Variants in SCRN1 observed in about 807,000 individuals in gnomAD.
SCRN1 encodes the protein secernin-1.
In SCRN1, 19 loss-of-function variants were observed where a neutral mutation model predicts 43.3. The ratio of observed to expected loss-of-function variants is 0.44; its 90% confidence interval spans 0.31 to 0.64. The LOEUF (loss-of-function observed/expected upper bound fraction) is 0.64. SCRN1 is among the 30% of genes least tolerant of loss of function. SCRN1 has a pLI of 0.09. For synonymous variants in SCRN1, 183 were observed against 188.9 expected (o/e 0.97, Z 0.26); for missense variants, 447 against 524.1 (o/e 0.85, Z 1.44).
At chr7:29,945,242 C>G (rs1787697005) in intron 3 of SCRN1, among the ~76,000 whole-genome samples, 1 of 152,206 alleles carries the variant, frequency 6.6e-6, no homozygotes. Context: ...TATGGTTTGG[C>G]TGTGTCCCCA....
intron 1 of SCRN1, among the ~76,000 whole-genome samples, chr7:29,971,888 A>T (rs1267206949): frequency 2.0e-5 from 3 of 152,136 alleles, no homozygotes; most frequent in Admixed American, 6.5e-5. Flanking sequence ...TGTTTATGGC[A>T]GGCCCCTCCC....
At chr7:29,947,393 T>C in intron 3 of SCRN1, 1 of 1,508,856 alleles carries the variant, frequency 6.6e-7, no homozygotes, top group African/African-American at 1.4e-5. Flanking sequence ...CTGCTTATCT[T>C]TTCAACATCT....
At chr7:29,986,438 T>TG (rs139055417) in intron 1 of SCRN1, among the ~76,000 whole-genome samples, 1,820 of 152,292 alleles carry the variant, frequency 0.012, 23 homozygotes, top group Middle Eastern at 0.02. Flanking sequence ...TTTTTGAAAT[T>TG]GTGTGTATAT....
At chr7:29,954,721 C>T (rs1041636703) in intron 3 of SCRN1, among the ~76,000 whole-genome samples, 2 of 152,182 alleles carry the variant, frequency 1.3e-5, no homozygotes, top group African/African-American at 4.8e-5. Flanking sequence ...GTTGTTGTCG[C>T]CTCAGCTGGA....
chr7:29,970,526 T>C (rs751489059), intron 1 of SCRN1, among the ~76,000 whole-genome samples: 20 of 152,246 alleles, frequency 1.3e-4, no homozygotes, highest in Non-Finnish European at 2.8e-4. Flanking sequence ...TCTGAAATAC[T>C]TGTTTGATTA....
chr7:29,959,826 T>A (rs1788248213), intron 2 of SCRN1, among the ~76,000 whole-genome samples: 1 of 151,976 alleles, frequency 6.6e-6, no homozygotes, highest in East Asian at 1.9e-4. Context: ...AAGGAAGCCC[T>A]CTGCTAAGCC....
At chr7:29,986,880 A>G (rs1789177175) in intron 1 of SCRN1, among the ~76,000 whole-genome samples, 1 of 151,896 alleles carries the variant, frequency 6.6e-6, no homozygotes, top group Non-Finnish European at 1.5e-5. Context: ...GCGTGCCACC[A>G]TGCCCGGCTA....
At chr7:29,966,127 GAGAGAGAGAC>G (rs1007995013) in intron 2 of SCRN1, among the ~76,000 whole-genome samples, 1 of 150,414 alleles carries the variant, frequency 6.6e-6, no homozygotes, top group Admixed American at 6.7e-5. Context: ...CACACAGAGA[GAGAGAGAGAC>G]AGAGAGAGAG....
chr7:29,935,781 C>T (rs550996829), intron 6 of SCRN1, among the ~76,000 whole-genome samples: 2 of 152,282 alleles, frequency 1.3e-5, no homozygotes, highest in Non-Finnish European at 2.9e-5. Flanking sequence ...GATCAGAGAT[C>T]GTCTTCATAA....
intron 2 of SCRN1, among the ~76,000 whole-genome samples, chr7:29,966,938 T>C (rs1206063294): frequency 2.0e-5 from 3 of 152,114 alleles, no homozygotes; most frequent in Non-Finnish European, 4.4e-5. Context: ...GATTTAAGAT[T>C]TAGATATGAA....
At chr7:29,932,293 G>T (rs1787181151) in intron 6 of SCRN1, among the ~76,000 whole-genome samples, 3 of 152,156 alleles carry the variant, frequency 2.0e-5, no homozygotes. Context: ...GCTGACCAAG[G>T]CTCATGATGT....
At chr7:29,936,214 T>C (rs1787320079) in intron 6 of SCRN1, among the ~76,000 whole-genome samples, 1 of 152,240 alleles carries the variant, frequency 6.6e-6, no homozygotes, top group Non-Finnish European at 1.5e-5. Flanking sequence ...TCTGTATCCC[T>C]CATGTACCAC....
chr7:29,926,765 G>T, intron 6 of SCRN1, 133 bp from the exon 7 acceptor site: 1 of 676,064 alleles, frequency 1.5e-6, no homozygotes, highest in Non-Finnish European at 2.5e-6. Context: ...ACGGGTGGGT[G>T]GGTGAGTGCC....
At chr7:29,939,620 T>C (rs1301407994) in intron 5 of SCRN1, among the ~76,000 whole-genome samples, 1 of 152,170 alleles carries the variant, frequency 6.6e-6, no homozygotes, top group Non-Finnish European at 1.5e-5. Flanking sequence ...AATATATAAA[T>C]AAATGGGTGT....
In SCRN1 at chr7:29,969,023, T is replaced by G; in HGVS notation, c.45A>C (p.Pro15=). ...ATACCACCAGACCATCCTTAGCACG[T>G]GGAGGGAAGGCAACAAAACAGTAAC... ...PPSYCFVAFP[P]RAKDGLVVFG... The change falls in exon 2 of 8, where the codon CCA becomes CCC. Residue 15 remains proline, a synonymous_variant. Transcript: ENST00000242059. 1 of 1,613,456 alleles carries G rather than the reference T, an allele frequency of 6.2e-7. No individual in the cohort carries two copies. The highest frequency in any genetic ancestry group is 1.1e-5 in the South Asian group (1 of 91,022).
chr7:29,970,001 C>T (rs554712554), intron 1 of SCRN1: 18 of 404,960 alleles, frequency 4.4e-5, no homozygotes, highest in Non-Finnish European at 7.1e-5. Flanking sequence ...TCCTCTCCAC[C>T]TCCACTGCCA....
intron 4 of SCRN1, among the ~76,000 whole-genome samples, chr7:29,942,659 A>G (rs1032718173): frequency 7.2e-5 from 11 of 152,180 alleles, no homozygotes; most frequent in African/African-American, 1.4e-4. Context: ...TTCTAGAACT[A>G]CTGTAAGAGC....
At chr7:29,983,596 A>G (rs954351092) in intron 1 of SCRN1, among the ~76,000 whole-genome samples, 2 of 152,224 alleles carry the variant, frequency 1.3e-5, no homozygotes, top group African/African-American at 4.8e-5. Flanking sequence ...GACAGCTATC[A>G]ACATATAAAT....
chr7:29,982,111 C>T lies in SCRN1; in HGVS notation c.-2+7531G>A, dbSNP rs1185805348. Among the ~76,000 whole-genome samples the T allele has an allele frequency of 3.9e-5, 6 of 152,174 alleles. No homozygotes were observed. In the South Asian group the frequency reaches 8.3e-4, roughly 21 times the overall value. ...TCTTCCATTGGTTTGTTTCCCAAGT[C>T]AAACTTTTAAAAAATTGACAAAGTG... On this transcript the variant is annotated intron_variant, in intron 1 of 7. Coordinates refer to ENST00000242059, the MANE Select transcript of SCRN1 (RefSeq NM_014766.5).
Sources: gnomAD v4.1 joint callset for allele counts (sites outside exome capture counted in the v4.1 genomes callset) on GRCh38, gnomAD v4.1.1 for gene constraint, MANE v1.5 for transcripts, NCBI Gene and HGNC (gene_info 2026-07-23, HGNC 2026-07-21) for gene names.